MLIP: variants seen among roughly 807,000 people sequenced by gnomAD.
MLIP encodes the protein muscular LMNA interacting protein.
Under a neutral mutation model 84.8 loss-of-function variants are expected in MLIP, and 79 were observed. The ratio of observed to expected loss-of-function variants is 0.93; its 90% CI spans 0.78 to 1.12. The LOEUF is 1.12. MLIP is among the 50% of genes most tolerant of loss of function. The pLI is 0.00. For missense variants in MLIP, 1,257 were observed against 1,160.6 expected, an observed-to-expected ratio of 1.08 and a Z score of -1.21; for synonymous variants, 504 against 463.0, an observed-to-expected ratio of 1.09 and a Z score of -1.14.
At chr6:54,133,832 C>G (rs1017789195) in intron 3 of MLIP, among the ~76,000 whole-genome samples, 1 of 152,032 alleles carries the variant, frequency 6.6e-6, no homozygotes, top group Admixed American at 6.6e-5. Flanking sequence ...TTCCAGATAG[C>G]CTTTCTAGGA....
chr6:54,067,598 A>C (rs2150339582), intron 1 of MLIP, among the ~76,000 whole-genome samples: 1 of 101,702 alleles, frequency 9.8e-6, no homozygotes, highest in Middle Eastern at 4.6e-3. Context: ...TCTCCAAGTT[A>C]AGGCTAAATT....
Position 54,137,375 on chromosome 6 carries a change from T to A in MLIP, c.1306T>A (p.Cys436Ser). Residue 436 changes from cysteine (C) to serine (S), a missense_variant, in exon 4 of 14, where the codon TGT becomes AGT. Cys to Ser is a moderately radical substitution (Grantham distance 112, BLOSUM62 -1). Coordinates refer to ENST00000502396, the MANE Select transcript of MLIP (RefSeq NM_001281747.2). ...CCAAAGACCCTTTTCCCCTGCATCC[T>A]GTCCCACCTTCTCTCTCAACTCCCC... ...SHQRPFSPASCPTFSLNSPAS... is the reference protein window; with the variant it reads ...SHQRPFSPASSPTFSLNSPAS... 6.5e-7 allele frequency: 1 copy of A among 1,536,132 alleles called. No individual in the cohort carries two copies. The highest frequency in any genetic ancestry group is 8.7e-7 in the Non-Finnish European group (1 of 1,146,890).
Position 54,136,800 on chromosome 6 carries a change from C to T in MLIP, c.731C>T (p.Pro244Leu). ...SFVSPTNPNT[P>L]PDPVNLEGAS... Reference sequence around the variant, plus strand: ...GTTTCTCCAACTAATCCGAACACACCACCCGACCCAGTTAACCTCGAGGGA... The same window carrying T: ...GTTTCTCCAACTAATCCGAACACACTACCCGACCCAGTTAACCTCGAGGGA... The change falls in exon 4 of 14, where the codon CCA becomes CTA. Residue 244 changes from proline (P) to leucine (L), a missense_variant. Transcript: ENST00000502396. The T allele has an allele frequency of 6.5e-7, 1 of 1,528,752 alleles. No homozygotes were observed. Among genetic ancestry groups the T allele is most frequent in the Non-Finnish European group, 8.8e-7 (1 of 1,140,734 alleles). The allele number at this position is 1,528,752 out of a possible 1,614,324, so 94.7% of individuals were successfully genotyped here.
intron 1 of MLIP, among the ~76,000 whole-genome samples, chr6:54,091,567 G>T (rs1167259236): frequency 6.6e-6 from 1 of 152,156 alleles, no homozygotes; most frequent in African/African-American, 2.4e-5. Flanking sequence ...AGAAGGAAAG[G>T]TGGGTTTTCA....
chr6:54,040,549 A>C (rs905921145), intron 1 of MLIP, among the ~76,000 whole-genome samples: 10 of 152,094 alleles, frequency 6.6e-5, no homozygotes, highest in Admixed American at 3.3e-4. Context: ...TTGACCCAGC[A>C]ATCCCATTAC....
chr6:54,152,299 G>A (rs1047389329), intron 5 of MLIP, among the ~76,000 whole-genome samples: 12 of 152,124 alleles, frequency 7.9e-5, no homozygotes, highest in South Asian at 2.1e-4. Context: ...ACTAAGGTCT[G>A]TAGATAAAAT....
chr6:54,048,205 A>G (rs747258637), intron 1 of MLIP, among the ~76,000 whole-genome samples: 1 of 152,164 alleles, frequency 6.6e-6, no homozygotes, highest in Non-Finnish European at 1.5e-5. Flanking sequence ...AATAAAAGCC[A>G]TTTTTGCTGA....
At chr6:54,218,453 A>C (rs942541843) in intron 11 of MLIP, among the ~76,000 whole-genome samples, 5 of 152,212 alleles carry the variant, frequency 3.3e-5, no homozygotes, top group Non-Finnish European at 7.3e-5. Flanking sequence ...AGTGGTGAGT[A>C]TATGTGAAGG....
intron 12 of MLIP, among the ~76,000 whole-genome samples, chr6:54,245,625 C>T (rs1447096125): frequency 2.0e-5 from 3 of 152,064 alleles, no homozygotes; most frequent in African/African-American, 4.8e-5. Context: ...ATTTTGTCTA[C>T]CTTTGAACAT....
At chr6:54,208,800 A>G (rs965945696) in intron 11 of MLIP, among the ~76,000 whole-genome samples, 6 of 152,182 alleles carry the variant, frequency 3.9e-5, no homozygotes, top group Admixed American at 2.6e-4. Flanking sequence ...GTCTTATAAT[A>G]CGTAAGATAT....
chr6:54,171,014 C>T (rs1167775095), intron 9 of MLIP, among the ~76,000 whole-genome samples: 2 of 151,460 alleles, frequency 1.3e-5, no homozygotes, highest in African/African-American at 4.8e-5. Context: ...CTCTCTCCTT[C>T]TTCTTTTATC....
intron 11 of MLIP, among the ~76,000 whole-genome samples, chr6:54,222,117 C>G (rs775259386): frequency 2.6e-5 from 4 of 151,832 alleles, no homozygotes; most frequent in Non-Finnish European, 4.4e-5. Flanking sequence ...AAAAACTTGA[C>G]GTTTTGATAC....
intron 1 of MLIP, among the ~76,000 whole-genome samples, chr6:54,038,980 C>T (rs1003852819): frequency 3.2e-4 from 48 of 151,748 alleles, no homozygotes; most frequent in African/African-American, 6.8e-4. Flanking sequence ...ATTTAATAGA[C>T]GTAGAGTTTA....
chr6:54,082,686 G>A (rs1318705047), intron 1 of MLIP, among the ~76,000 whole-genome samples: 1 of 152,022 alleles, frequency 6.6e-6, no homozygotes, highest in South Asian at 2.1e-4. Context: ...CCAATTTGGT[G>A]GGTAGAAAAT....
intron 9 of MLIP, among the ~76,000 whole-genome samples, chr6:54,172,913 T>A (rs1344961198): frequency 6.6e-6 from 1 of 151,680 alleles, no homozygotes; most frequent in Non-Finnish European, 1.5e-5. Context: ...TATTTTACAA[T>A]AATTTAATTG....
chr6:54,081,910 T>C (rs1035808726), intron 1 of MLIP, among the ~76,000 whole-genome samples: 1 of 152,194 alleles, frequency 6.6e-6, no homozygotes, highest in African/African-American at 2.4e-5. Flanking sequence ...ATTTCAGACA[T>C]ATGACCAAGA....
chr6:54,083,496 C>T, intron 1 of MLIP: 1 of 1,534,694 alleles, frequency 6.5e-7, no homozygotes. Flanking sequence ...AAGTGTTTGT[C>T]AATGAGTTCT....
chr6:54,243,777 C>T (rs1457382057), intron 12 of MLIP, among the ~76,000 whole-genome samples: 2 of 151,046 alleles, frequency 1.3e-5, no homozygotes, highest in Non-Finnish European at 2.9e-5. Flanking sequence ...CACAGGCTTC[C>T]GTTTGGTCAA....
intron 13 of MLIP, among the ~76,000 whole-genome samples, chr6:54,261,292 G>A (rs1783372031): frequency 6.6e-6 from 1 of 151,916 alleles, no homozygotes; most frequent in Non-Finnish European, 1.5e-5. Context: ...GATATAAACA[G>A]ACCGCCCCTC....
Sources: gnomAD v4.1 joint callset for allele counts (sites outside exome capture counted in the v4.1 genomes callset) on GRCh38, gnomAD v4.1.1 for gene constraint, MANE v1.5 for transcripts, NCBI Gene and HGNC (gene_info 2026-07-23, HGNC 2026-07-21) for gene names.